SIPA1L3: variants seen among roughly 807,000 people sequenced by gnomAD.
SIPA1L3 encodes the protein signal-induced proliferation-associated 1-like protein 3.
SIPA1L3 carries 59 observed loss-of-function variants against 150.1 expected under a neutral mutation model. That is an observed-to-expected ratio of 0.39 (90% CI 0.32 to 0.49). SIPA1L3 has a LOEUF of 0.49. Among genes scored for constraint, SIPA1L3 ranks in the 20% least tolerant of loss-of-function variants. The pLI is 0.86. For missense variants in SIPA1L3, 2,211 were observed against 2,489.5 expected, an observed-to-expected ratio of 0.89 and a Z score of 2.38; for synonymous variants, 1,070 against 1,077.6, an observed-to-expected ratio of 0.99 and a Z score of 0.14.
chr19:38,114,917 T>C (rs551409325), intron 8 of SIPA1L3, among the ~76,000 whole-genome samples: 1 of 152,326 alleles, frequency 6.6e-6, no homozygotes, highest in East Asian at 1.9e-4. Flanking sequence ...CCATTCTTCA[T>C]GAGGCAGCCA....
rs1287081458 is a variant in SIPA1L3 at position 38,082,796 on chromosome 19, T to C, written c.1231T>C (p.Leu411=). 1 of 1,613,384 alleles carries C rather than the reference T, an allele frequency of 6.2e-7. No homozygotes were observed. The highest frequency in any genetic ancestry group is 8.5e-7 in the Non-Finnish European group (1 of 1,179,858). Residue 411 remains leucine (L), a synonymous_variant, in exon 3 of 22, where the codon TTG becomes CTG. Coordinates refer to ENST00000222345, the MANE Select transcript of SIPA1L3 (RefSeq NM_015073.3). ...AGAGGACCTAAACTGCAAGGAGAACTTGGAGCAGGACCTCGGCGATGACAA... is the reference window on the plus strand; with the variant it reads ...AGAGGACCTAAACTGCAAGGAGAACCTGGAGCAGGACCTCGGCGATGACAA... ...STEDLNCKEN[L]EQDLGDDNSN...
At chr19:37,983,070 C>T (rs1457743245) in intron 1 of SIPA1L3, among the ~76,000 whole-genome samples, 1 of 152,214 alleles carries the variant, frequency 6.6e-6, no homozygotes. Flanking sequence ...GTTGGGAGGG[C>T]AGGGGCCTTG....
intron 10 of SIPA1L3, among the ~76,000 whole-genome samples, chr19:38,136,182 T>A (rs1466590118): frequency 1.2e-4 from 3 of 24,498 alleles, no homozygotes; most frequent in East Asian, 3.1e-3. Context: ...TGAGACTGTC[T>A]CAAAAAAAAA....
At chr19:38,019,409 G>C (rs1286760475) in intron 1 of SIPA1L3, among the ~76,000 whole-genome samples, 1 of 152,222 alleles carries the variant, frequency 6.6e-6, no homozygotes, top group Non-Finnish European at 1.5e-5. Flanking sequence ...GGAATAGGGT[G>C]AGGGAGAGGC....
chr19:38,107,097 C>T (rs1970639360), intron 7 of SIPA1L3, among the ~76,000 whole-genome samples: 1 of 152,220 alleles, frequency 6.6e-6, no homozygotes, highest in Admixed American at 6.5e-5. Flanking sequence ...CATTTCTCAC[C>T]TCCACTTTTC....
intron 1 of SIPA1L3, among the ~76,000 whole-genome samples, chr19:37,948,524 A>G (rs1356646855): frequency 6.6e-6 from 1 of 152,074 alleles, no homozygotes; most frequent in Admixed American, 6.6e-5. Flanking sequence ...ACTCACATAC[A>G]TATTAGTCAT....
intron 19 of SIPA1L3, among the ~76,000 whole-genome samples, chr19:38,198,840 A>AGC (rs2146063839): frequency 6.6e-6 from 1 of 152,358 alleles, no homozygotes; most frequent in East Asian, 1.9e-4. Flanking sequence ...CTGTAATCCC[A>AGC]GCACTCTGAG....
At chr19:38,012,760 G>A (rs893335920) in intron 1 of SIPA1L3, among the ~76,000 whole-genome samples, 12 of 151,730 alleles carry the variant, frequency 7.9e-5, no homozygotes, top group Non-Finnish European at 1.3e-4. Context: ...TGCCATTCTC[G>A]GGCCCTTGCT....
rs572849964 is a variant in SIPA1L3 at position 37,961,009 on chromosome 19, C to G, written c.-379+53651C>G. 7.2e-4 allele frequency among the ~76,000 whole-genome samples: 110 copies of G among 152,040 alleles called. 2 individuals carry two copies. Among genetic ancestry groups the G allele is most frequent in the Admixed American group, 4.2e-3 (64 of 15,266 alleles). On this transcript the variant is annotated intron_variant, in intron 1 of 21. Coordinates refer to ENST00000222345, the MANE Select transcript of SIPA1L3 (RefSeq NM_015073.3). ...TCATCCTCCTGAGTAGCTGGGCTTA[C>G]AGGCACCCGCCACCACACTTGGCTA...
chr19:37,993,815 G>A (rs933745269), intron 1 of SIPA1L3, among the ~76,000 whole-genome samples: 5 of 152,182 alleles, frequency 3.3e-5, no homozygotes, highest in African/African-American at 7.2e-5. Flanking sequence ...ATTGTTCAAG[G>A]TGCCGTATGA....
chr19:38,151,381 T>G (rs1161459949), intron 12 of SIPA1L3, among the ~76,000 whole-genome samples: 2 of 152,208 alleles, frequency 1.3e-5, no homozygotes, highest in Non-Finnish European at 2.9e-5. Context: ...CAACTCCAAG[T>G]CACTTCCCTG....
chr19:37,979,576 TA>T (rs1967153343), intron 1 of SIPA1L3, among the ~76,000 whole-genome samples: 1 of 149,972 alleles, frequency 6.7e-6, no homozygotes, highest in Non-Finnish European at 1.5e-5. Flanking sequence ...AAAAAAAATT[TA>T]GGTTTCACTG....
intron 1 of SIPA1L3, among the ~76,000 whole-genome samples, chr19:38,003,730 C>T (rs1967868323): frequency 6.6e-6 from 1 of 152,186 alleles, no homozygotes; most frequent in African/African-American, 2.4e-5. Context: ...TCTTCCATCC[C>T]GCCTCTTTCC....
intron 6 of SIPA1L3, among the ~76,000 whole-genome samples, chr19:38,103,176 G>A (rs1272800478): frequency 2.0e-5 from 3 of 152,038 alleles, no homozygotes; most frequent in African/African-American, 7.2e-5. Context: ...ACAATATGCA[G>A]GATAGTGGTT....
intron 1 of SIPA1L3, among the ~76,000 whole-genome samples, chr19:37,919,414 G>A (rs2046439398): frequency 6.6e-6 from 1 of 152,152 alleles, no homozygotes; most frequent in Admixed American, 6.6e-5. Context: ...CCACTCCTTG[G>A]GGTAGGTACT....
chr19:37,930,927 C>G (rs2046548586), intron 1 of SIPA1L3, among the ~76,000 whole-genome samples: 1 of 150,984 alleles, frequency 6.6e-6, no homozygotes, highest in African/African-American at 2.4e-5. Flanking sequence ...TCACAGGGGA[C>G]TATAAGCTCC....
chr19:38,121,918 CA>C (rs908331845), intron 9 of SIPA1L3, among the ~76,000 whole-genome samples: 61 of 139,924 alleles, frequency 4.4e-4, no homozygotes, highest in Non-Finnish European at 5.8e-4. Flanking sequence ...GACCCGGACT[CA>C]AAAAAAAAAA....
intron 9 of SIPA1L3, among the ~76,000 whole-genome samples, chr19:38,122,189 C>CCAA (rs60363063): frequency 0.029 from 4,416 of 152,268 alleles, 209 homozygotes; most frequent in African/African-American, 0.1. Flanking sequence ...CCACTGCACT[C>CCAA]CAACGTGGGT....
At chr19:38,110,830 A>G (rs543501031) in intron 8 of SIPA1L3, among the ~76,000 whole-genome samples, 1 of 152,050 alleles carries the variant, frequency 6.6e-6, no homozygotes, top group South Asian at 2.1e-4. Context: ...AAGCCCCAGA[A>G]TTGGGGCTCA....
Sources: gnomAD v4.1 joint callset for allele counts (sites outside exome capture counted in the v4.1 genomes callset) on GRCh38, gnomAD v4.1.1 for gene constraint, MANE v1.5 for transcripts, NCBI Gene and HGNC (gene_info 2026-07-23, HGNC 2026-07-21) for gene names.